The following RALGPS2 variants were observed in gnomAD, a reference collection of about 807,000 sequenced individuals.
The protein encoded by RALGPS2 is ras-specific guanine nucleotide-releasing factor RalGPS2.
In RALGPS2, 43 loss-of-function variants were observed where a neutral mutation model predicts 86.8. The observed-to-expected ratio is 0.50, with a 90% CI of 0.39 to 0.64. The LOEUF is 0.64. Among genes scored for constraint, RALGPS2 ranks in the 30% least tolerant of loss-of-function variants. The pLI is 0.00. For synonymous variants in RALGPS2, 243 were observed against 231.3 expected (o/e 1.05, Z -0.46); for missense variants, 536 against 694.6 (o/e 0.77, Z 2.57).
rs147504578 is a variant in RALGPS2 at position 178,816,096 on chromosome 1, T to C, written c.387+4692T>C. The stretch of plus-strand genomic sequence containing the variant: ...GATTATACCTAGGAATGGTGGACTT[T>C]CTGGGTTATAGATTAGGAATATGTT... On this transcript the variant is annotated intron_variant, in intron 6 of 19. Transcript: ENST00000367635. Among the ~76,000 whole-genome samples the C allele has an allele frequency of 1.4e-4, 22 of 152,332 alleles. No individual in the cohort carries two copies. The East Asian group carries it at 4.2e-3, about 29-fold the overall frequency.
At chr1:178,894,049 T>C (rs1659833270) in intron 16 of RALGPS2, 25 bp downstream of exon 16, 1 of 1,352,360 alleles carries the variant, frequency 7.4e-7, no homozygotes, top group East Asian at 2.3e-5. Flanking sequence ...TATTATATTT[T>C]AATACACCTC....
chr1:178,786,998 T>TC (rs1342666620), intron 4 of RALGPS2, among the ~76,000 whole-genome samples: 10 of 150,846 alleles, frequency 6.6e-5, no homozygotes, highest in Non-Finnish European at 1.5e-5. Context: ...TCCTAACTTT[T>TC]CCCCCATACC....
At chr1:178,796,955 C>T (rs187163847) in intron 4 of RALGPS2, among the ~76,000 whole-genome samples, 75 of 152,184 alleles carry the variant, frequency 4.9e-4, no homozygotes, top group Middle Eastern at 6.8e-3. Flanking sequence ...CTCTTTACTA[C>T]GTGATTTTAA....
intron 19 of RALGPS2, among the ~76,000 whole-genome samples, chr1:178,907,493 C>T (rs1660437686): frequency 6.6e-6 from 1 of 152,046 alleles, no homozygotes; most frequent in South Asian, 2.1e-4. Flanking sequence ...TTTACTGAAA[C>T]AAAAATGGTC....
chr1:178,819,470 T>C (rs746610140), intron 6 of RALGPS2, among the ~76,000 whole-genome samples: 13 of 152,220 alleles, frequency 8.5e-5, no homozygotes, highest in Non-Finnish European at 1.8e-4. Context: ...TCAGTGTCTC[T>C]GCTTTATGCA....
chr1:178,837,266 A>G (rs900212652), intron 8 of RALGPS2, among the ~76,000 whole-genome samples: 2 of 152,174 alleles, frequency 1.3e-5, no homozygotes, highest in Admixed American at 1.3e-4. Flanking sequence ...TTTAGGTACT[A>G]AAATACTGAT....
In RALGPS2 at chr1:178,751,894, G is replaced by T. The variant is rs1168478808; in HGVS notation, c.-83-24788G>T. Among the ~76,000 whole-genome samples, 4 of 152,182 alleles carry T rather than the reference G, an allele frequency of 2.6e-5. No individual in the cohort carries two copies. In the East Asian group the frequency reaches 7.7e-4, roughly 29 times the overall value. On this transcript the variant is annotated intron_variant, in intron 1 of 19. Coordinates refer to ENST00000367635, the MANE Select transcript of RALGPS2 (RefSeq NM_152663.5). ...GTTGTTACTTTTAAAAGACCAGAGG[G>T]ATCTTTACTATTAGAGCAAAAAACG...
chr1:178,833,251 T>A (rs192958687), intron 7 of RALGPS2, among the ~76,000 whole-genome samples, 173 bp from the exon 8 acceptor site: 2 of 152,232 alleles, frequency 1.3e-5, no homozygotes. Context: ...GAATTTGGAT[T>A]ATTAATAGAC....
At chr1:178,854,867 T>C (rs1357093012) in intron 8 of RALGPS2, among the ~76,000 whole-genome samples, 2 of 152,178 alleles carry the variant, frequency 1.3e-5, no homozygotes, top group Non-Finnish European at 2.9e-5. Context: ...ACTTTTAGGG[T>C]GTCTGACTCT....
At chr1:178,747,544 A>G in intron 1 of RALGPS2, 3 of 1,612,028 alleles carry the variant, frequency 1.9e-6, no homozygotes, top group South Asian at 2.2e-5. Flanking sequence ...TCTGCTGCCA[A>G]ACCATAAGCC....
intron 7 of RALGPS2, among the ~76,000 whole-genome samples, chr1:178,831,590 G>A (rs900426885): frequency 6.6e-6 from 1 of 151,882 alleles, no homozygotes; most frequent in African/African-American, 2.4e-5. Flanking sequence ...CCAAGGACAT[G>A]TAGAAGTAGA....
intron 8 of RALGPS2, among the ~76,000 whole-genome samples, chr1:178,848,681 C>CT (rs1278039676): frequency 6.6e-6 from 1 of 152,148 alleles, no homozygotes; most frequent in Non-Finnish European, 1.5e-5. Flanking sequence ...GAGAAAGAGT[C>CT]TAACTCTGTC....
chr1:178,899,085 G>GT (rs1439904371), intron 17 of RALGPS2, among the ~76,000 whole-genome samples: 6 of 151,774 alleles, frequency 4.0e-5, no homozygotes, highest in Non-Finnish European at 4.4e-5. Flanking sequence ...AAATAAAATG[G>GT]TTTTTTTGTT....
At chr1:178,909,648 T>C (rs1159136868) in intron 19 of RALGPS2, among the ~76,000 whole-genome samples, 1 of 136,254 alleles carries the variant, frequency 7.3e-6, no homozygotes, top group African/African-American at 2.8e-5. Flanking sequence ...TTTTAATTTT[T>C]TTTTTTTTTT....
intron 8 of RALGPS2, among the ~76,000 whole-genome samples, chr1:178,838,674 G>C (rs1033389186): frequency 6.6e-6 from 1 of 152,222 alleles, no homozygotes; most frequent in Non-Finnish European, 1.5e-5. Flanking sequence ...TAATGACTTT[G>C]ACGAGTTGAG....
At chr1:178,728,884 A>G (rs961895603) in intron 1 of RALGPS2, among the ~76,000 whole-genome samples, 5 of 152,224 alleles carry the variant, frequency 3.3e-5, no homozygotes, top group Non-Finnish European at 5.9e-5. Context: ...TACCTATTCT[A>G]TGGAAAGAAA....
chr1:178,826,901 A>G (rs1014592511), intron 7 of RALGPS2, among the ~76,000 whole-genome samples: 2 of 152,182 alleles, frequency 1.3e-5, no homozygotes, highest in Non-Finnish European at 2.9e-5. Context: ...TTAACAAAGA[A>G]CTAAATAGAG....
chr1:178,803,434 G>A (rs145871332), intron 4 of RALGPS2, among the ~76,000 whole-genome samples: 4 of 147,096 alleles, frequency 2.7e-5, no homozygotes, highest in African/African-American at 7.3e-5. Flanking sequence ...CAGTTACTTA[G>A]GGATTTAATC....
At chr1:178,737,841 G>A (rs537343298) in intron 1 of RALGPS2, among the ~76,000 whole-genome samples, 24 of 151,976 alleles carry the variant, frequency 1.6e-4, no homozygotes, top group Non-Finnish European at 3.1e-4. Flanking sequence ...CCAATGGCAT[G>A]ATCACAGCTC....
Sources: allele counts gnomAD v4.1 joint callset (sites outside exome capture counted in the v4.1 genomes callset), GRCh38; gene constraint gnomAD v4.1.1; transcripts MANE v1.5; gene names NCBI Gene and HGNC (gene_info 2026-07-23, HGNC 2026-07-21).